Variants in MCF2L observed in about 807,000 individuals in gnomAD.
MCF2L encodes MCF.2 cell line derived transforming sequence like.
MCF2L carries 97 observed loss-of-function variants against 153.4 expected under a neutral mutation model. That is an observed-to-expected ratio of 0.63 (90% confidence interval 0.54 to 0.75). The LOEUF is 0.75. Among genes scored for constraint, MCF2L ranks in the 30% least tolerant of loss-of-function variants. MCF2L has a pLI of 0.00. For missense variants in MCF2L, 1,347 were observed against 1,495.2 expected (o/e 0.90, Z 1.64); for synonymous variants, 659 against 632.2 (o/e 1.04, Z -0.64).
chr13:113,023,775 G>A (rs1186403956), intron 2 of MCF2L, among the ~76,000 whole-genome samples: 2 of 152,176 alleles, frequency 1.3e-5, no homozygotes, highest in Non-Finnish European at 2.9e-5. Flanking sequence ...GTGTCCTCAT[G>A]GGGGCTGGGC....
At chr13:113,037,773 G>A (rs1430052530) in intron 3 of MCF2L, among the ~76,000 whole-genome samples, 46 of 152,196 alleles carry the variant, frequency 3.0e-4, no homozygotes, top group Non-Finnish European at 7.3e-5. Flanking sequence ...TGCCGCTGAG[G>A]TCAGGAACAC....
intron 1 of MCF2L, among the ~76,000 whole-genome samples, chr13:112,900,259 C>G (rs1338652573): frequency 6.6e-6 from 1 of 152,150 alleles, no homozygotes; most frequent in Non-Finnish European, 1.5e-5. Context: ...TTTAGACCTG[C>G]GCCAGGTTGT....
chr13:112,980,168 C>T (rs1466341744), intron 1 of MCF2L, among the ~76,000 whole-genome samples: 2 of 152,236 alleles, frequency 1.3e-5, no homozygotes, highest in African/African-American at 4.8e-5. Flanking sequence ...AGAGCTGTCA[C>T]AGGCGTGGCC....
chr13:113,015,787 A>G (rs2084472803), intron 2 of MCF2L, among the ~76,000 whole-genome samples: 1 of 152,232 alleles, frequency 6.6e-6, no homozygotes. Context: ...CCCATGGCCA[A>G]GTGGCCCAGG....
chr13:113,023,989 G>C (rs566957333), intron 2 of MCF2L, among the ~76,000 whole-genome samples: 1 of 152,354 alleles, frequency 6.6e-6, no homozygotes, highest in Admixed American at 6.5e-5. Flanking sequence ...GGGCAAAACA[G>C]ATCGCAAGGC....
chr13:112,988,167 A>G (rs1432686857), intron 1 of MCF2L, among the ~76,000 whole-genome samples: 1 of 150,904 alleles, frequency 6.6e-6, no homozygotes, highest in Non-Finnish European at 1.5e-5. Flanking sequence ...GCGCACATGT[A>G]CACACCGTGT....
At chr13:112,968,618 C>T (rs1566668699), upstream of MCF2L, 2 of 1,529,848 alleles carry the variant, frequency 1.3e-6, no homozygotes, top group South Asian at 2.4e-5. Context: ...GACCTGCTTA[C>T]CTGGGCGCGG....
intron 18 of MCF2L, 64 bp from the exon 19 acceptor site, chr13:113,084,828 C>A: frequency 1.6e-6 from 2 of 1,247,034 alleles, no homozygotes; most frequent in Non-Finnish European, 2.4e-6. Context: ...CGGTGCCCGT[C>A]CCTCACCGCG....
intron 15 of MCF2L, 115 bp downstream of exon 15, chr13:113,078,854 A>G (rs2033801410): frequency 3.1e-6 from 3 of 981,850 alleles, no homozygotes; most frequent in African/African-American, 1.6e-5. Context: ...TGCAGAAGTC[A>G]TTGTGGTTCT....
chr13:112,986,110 G>A (rs952064225), intron 1 of MCF2L, among the ~76,000 whole-genome samples: 4 of 152,208 alleles, frequency 2.6e-5, no homozygotes, highest in Middle Eastern at 3.2e-3. Context: ...AAAATGCCCT[G>A]GAACAAGGGC....
At chr13:113,016,352 C>G (rs890363691) in intron 2 of MCF2L, among the ~76,000 whole-genome samples, 1 of 152,136 alleles carries the variant, frequency 6.6e-6, no homozygotes, top group Non-Finnish European at 1.5e-5. Context: ...GGACAAGAGC[C>G]GCCCCACGGG....
intron 1 of MCF2L, among the ~76,000 whole-genome samples, chr13:112,970,089 G>A (rs768933144): frequency 2.6e-5 from 4 of 152,278 alleles, no homozygotes; most frequent in East Asian, 1.9e-4. Context: ...GCATCTGGCC[G>A]TGGCTTTCAG....
intron 1 of MCF2L, chr13:112,979,723 G>C: frequency 6.2e-7 from 1 of 1,612,558 alleles, no homozygotes; most frequent in Non-Finnish European, 8.5e-7. Context: ...TCACTGCCCA[G>C]GAGGCGCCGG....
upstream of MCF2L, chr13:112,964,819 A>G (rs1388816012): frequency 6.6e-6 from 1 of 152,278 alleles, no homozygotes; most frequent in East Asian, 1.9e-4. Flanking sequence ...TCAGAAGGAT[A>G]AAGACCTCTA....
chr13:112,974,015 C>T (rs1473769009), intron 1 of MCF2L, among the ~76,000 whole-genome samples: 2 of 152,158 alleles, frequency 1.3e-5, no homozygotes, highest in Admixed American at 6.5e-5. Flanking sequence ...TCCACTGCCC[C>T]CTCTGACCCC....
chr13:113,076,371 T>C (rs2141936126), intron 12 of MCF2L, among the ~76,000 whole-genome samples: 1 of 152,252 alleles, frequency 6.6e-6, no homozygotes, highest in Non-Finnish European at 1.5e-5. Flanking sequence ...TTCAAGCAAT[T>C]CTCCTGCCTC....
At chr13:112,938,114 TGAGGGGTTGGTTCAGGTGAGC>T in intron 2 of MCF2L, among the ~76,000 whole-genome samples, 1 of 140,740 alleles carries the variant, frequency 7.1e-6, no homozygotes, top group East Asian at 2.1e-4. Flanking sequence ...AGGTGAGCGC[TGAGGGGTTGGTTCAGGTGAGC>T]GCTGAGGGGT....
At chr13:112,968,988 C>A (rs2081950860), upstream of MCF2L, among the ~76,000 whole-genome samples, 1 of 151,346 alleles carries the variant, frequency 6.6e-6, no homozygotes, top group African/African-American at 2.4e-5. Context: ...CAGGTGACCG[C>A]GGCGGTGACC....
Position 112,943,562 on chromosome 13 carries a change from C to CA in MCF2L, c.169+41191_169+41192insA, listed in dbSNP as rs1412543441. On this transcript the variant is annotated intron_variant, in intron 2 of 29. Transcript: ENST00000375608. This position sits in a 1 kb window ranked among gnomAD's most constrained non-coding sequence, Gnocchi z 4.2. The stretch of plus-strand genomic sequence containing the variant: ...GCGCCTGCAGCACCGCAGCCAGAGC[C>CA]GAGACTCCGCGCCTTTCAAGGAGGA... Among the ~76,000 whole-genome samples the CA allele has an allele frequency of 1.2e-4, 18 of 151,980 alleles. No homozygotes were observed. The highest frequency in any genetic ancestry group is 2.5e-4 in the Non-Finnish European group (17 of 67,946).
Sources: allele counts gnomAD v4.1 joint callset (sites outside exome capture counted in the v4.1 genomes callset), GRCh38; gene constraint gnomAD v4.1.1; non-coding constraint Gnocchi (gnomAD v3.1); transcripts MANE v1.5; gene names NCBI Gene and HGNC (gene_info 2026-07-23, HGNC 2026-07-21).